Variants in SPINK5 observed in about 807,000 individuals in gnomAD.
SPINK5 encodes serine peptidase inhibitor Kazal type 5, also known as serine protease inhibitor Kazal-type 5.
In SPINK5, 125 loss-of-function variants were observed where a neutral mutation model predicts 151.8. The observed-to-expected ratio is 0.82, with a 90% CI of 0.71 to 0.96. SPINK5 has a LOEUF of 0.96. Among genes scored for constraint, SPINK5 ranks in the 40% least tolerant of loss-of-function variants. The probability of loss-of-function intolerance (pLI) is 0.00; values close to 1 mark genes in which losing one functional copy is unlikely to be tolerated. For synonymous variants in SPINK5, 374 were observed against 395.3 expected (o/e 0.95, Z 0.64); for missense variants, 1,194 against 1,291.9 (o/e 0.92, Z 1.16).
rs548051474 is a variant in SPINK5, at chr5:148,117,249, A to G, written c.2112+783A>G. 2.6e-5 allele frequency among the ~76,000 whole-genome samples: 4 copies of G among 152,274 alleles called. No homozygotes were observed. In the East Asian group the frequency reaches 7.7e-4, roughly 29 times the overall value. The stretch of plus-strand genomic sequence containing the variant: ...CCATCTTTTTTGCTTTAGGAGGCTG[A>G]GTTCTCCCTTTTAAGGAATAGCCCT... On this transcript the variant is annotated intron_variant, in intron 22 of 32. Coordinates refer to ENST00000256084, the MANE Select transcript of SPINK5 (RefSeq NM_006846.4).
intron 4 of SPINK5, among the ~76,000 whole-genome samples, chr5:148,086,148 G>A (rs1713615830): frequency 6.6e-6 from 1 of 151,896 alleles, no homozygotes; most frequent in Non-Finnish European, 1.5e-5. Flanking sequence ...AAGTTTCAGA[G>A]TGGTGACGTG....
At position 148,080,145 on chromosome 5, in the gene SPINK5, C is replaced by T. The variant is rs1010035179; in HGVS notation, c.283-6260C>T. ...TTTGAAAATTAAAATATTTCATTCA[C>T]GATAGCATAAAAAATGTGGAAATGA... On this transcript the variant is annotated intron_variant, in intron 4 of 32. Coordinates refer to ENST00000256084, the MANE Select transcript of SPINK5 (RefSeq NM_006846.4). Among the ~76,000 whole-genome samples the T allele has an allele frequency of 2.1e-4, 31 of 150,836 alleles. No homozygotes were observed. In the South Asian group the frequency reaches 4.2e-3, roughly 20 times the overall value.
At chr5:148,064,150 T>C (rs1752515208) in intron 1 of SPINK5, 51 bp downstream of exon 1, 2 of 1,609,168 alleles carry the variant, frequency 1.2e-6, no homozygotes, top group South Asian at 2.2e-5. Context: ...CTCAAAGCCC[T>C]GGGGAAGGGA....
Position 148,097,902 on chromosome 5 carries a change from T to C in SPINK5, c.918T>C (p.Asn306=). The C allele has an allele frequency of 6.2e-7, 1 of 1,612,114 alleles. No individual in the cohort carries two copies. Among genetic ancestry groups the C allele is most frequent in the Non-Finnish European group, 8.5e-7 (1 of 1,178,594 alleles). ...GTCAATATCAAAATCAGGCAAAGAATGGAATACTTTTCTGTACCAGAGAAA... is the reference window on the plus strand; with the variant it reads ...GTCAATATCAAAATCAGGCAAAGAACGGAATACTTTTCTGTACCAGAGAAA... ...LCSQYQNQAK[N]GILFCTREND... Residue 306 remains asparagine, a synonymous_variant, in exon 11 of 33, where the codon AAT becomes AAC. Coordinates refer to ENST00000256084, the MANE Select transcript of SPINK5 (RefSeq NM_006846.4).
chr5:148,118,011 G>A (rs1386778296), intron 22 of SPINK5, among the ~76,000 whole-genome samples: 8 of 151,790 alleles, frequency 5.3e-5, no homozygotes. Flanking sequence ...TAGATGTTAG[G>A]GGTTTTTTTG....
chr5:148,095,512 A>G (rs1488623878), intron 9 of SPINK5, among the ~76,000 whole-genome samples: 1 of 152,062 alleles, frequency 6.6e-6, no homozygotes, highest in East Asian at 1.9e-4. Context: ...ATTCGATACA[A>G]AAACACAGCA....
chr5:148,129,834 T>G (rs1425795377), intron 30 of SPINK5, among the ~76,000 whole-genome samples: 1 of 152,156 alleles, frequency 6.6e-6, no homozygotes, highest in Non-Finnish European at 1.5e-5. Context: ...TTTCAGTAAG[T>G]AGTTTTCAAG....
At chr5:148,125,296 C>T (rs1019396388) in intron 28 of SPINK5, among the ~76,000 whole-genome samples, 2 of 152,150 alleles carry the variant, frequency 1.3e-5, no homozygotes, top group African/African-American at 4.8e-5. Flanking sequence ...CAGCAGTGTG[C>T]ATGCGTGATG....
At chr5:148,126,333 TG>T (rs1315699051) in intron 29 of SPINK5, among the ~76,000 whole-genome samples, 1 of 151,984 alleles carries the variant, frequency 6.6e-6, no homozygotes, top group African/African-American at 2.4e-5. Flanking sequence ...ATGATGATGA[TG>T]GTTGTAAAGC....
At chr5:148,083,842 T>C (rs1449096283) in intron 4 of SPINK5, among the ~76,000 whole-genome samples, 1 of 151,718 alleles carries the variant, frequency 6.6e-6, no homozygotes. Flanking sequence ...TTTAGAAAAA[T>C]TGTTTCTTAT....
chr5:148,078,141 T>C (rs927141377), intron 4 of SPINK5, among the ~76,000 whole-genome samples: 1 of 151,088 alleles, frequency 6.6e-6, no homozygotes, highest in African/African-American at 2.4e-5. Flanking sequence ...GAGAGCAGGA[T>C]TGGCTATATT....
Position 148,091,545 on chromosome 5 carries a change from T to C in SPINK5, c.666+317T>C, listed in dbSNP as rs191877531. On this transcript the variant is annotated intron_variant, in intron 8 of 32. Coordinates refer to ENST00000256084, the MANE Select transcript of SPINK5 (RefSeq NM_006846.4). The stretch of plus-strand genomic sequence containing the variant: ...TGCTTAATTTCTAGCAGCCTTCTTT[T>C]TGGTTTAGTGTAAACCCATTTTACT... 8.3e-4 allele frequency among the ~76,000 whole-genome samples: 126 copies of C among 152,014 alleles called. 2 individuals carry two copies. Among genetic ancestry groups the C allele is most frequent in the South Asian group, 6.2e-3 (30 of 4,830 alleles).
chr5:148,092,599 C>T (rs1365464124), intron 8 of SPINK5, among the ~76,000 whole-genome samples: 1 of 151,816 alleles, frequency 6.6e-6, no homozygotes, highest in Admixed American at 6.6e-5. Flanking sequence ...AATATGTTCC[C>T]TATAATTAAC....
chr5:148,108,811 G>A lies in SPINK5; in HGVS notation c.1666G>A (p.Glu556Lys). The A allele has an allele frequency of 6.2e-7, 1 of 1,612,278 alleles. No homozygotes were observed. Among genetic ancestry groups the A allele is most frequent in the Non-Finnish European group, 8.5e-7 (1 of 1,178,768 alleles). The change falls in exon 18 of 33, where the codon GAA (glutamate) becomes AAA (lysine). Residue 556 changes from glutamate (E) to lysine (K), a missense_variant. By Grantham distance (56) the Glu-to-Lys change is moderately conservative. Transcript: ENST00000256084. Reference protein sequence around the residue: ...DKEEKGKVEAEKVKREAVQEL... With the variant: ...DKEEKGKVEAKKVKREAVQEL... ...AGAAGAAAAAGGGAAAGTCGAGGCT[G>A]AAAAAGTTAAGAGAGAAGCAGTTCA...
At chr5:148,087,641 G>A (rs1353540313) in intron 5 of SPINK5, among the ~76,000 whole-genome samples, 1 of 151,748 alleles carries the variant, frequency 6.6e-6, no homozygotes, top group African/African-American at 2.4e-5. Flanking sequence ...ACAAGTATGA[G>A]CATGCTATAT....
At chr5:148,101,704 A>T (rs938083376) in intron 14 of SPINK5, 77 bp from the exon 15 acceptor site, 60 of 1,605,530 alleles carry the variant, frequency 3.7e-5, no homozygotes, top group Non-Finnish European at 4.7e-5. Context: ...TAAGAAAAAA[A>T]GTACAAGCTT....
At chr5:148,095,677 T>C (rs1197335230) in intron 9 of SPINK5, 141 bp from the exon 10 acceptor site, 2 of 686,692 alleles carry the variant, frequency 2.9e-6, no homozygotes, top group African/African-American at 3.6e-5. Flanking sequence ...AATTAAAGGG[T>C]CTTTTTGGGG....
intron 8 of SPINK5, 113 bp downstream of exon 8, chr5:148,091,341 AT>A: frequency 1.2e-6 from 1 of 829,332 alleles, no homozygotes; most frequent in Non-Finnish European, 1.9e-6. Context: ...TTATATAGAT[AT>A]TTTTCTTAAT....
chr5:148,068,139 A>C (rs1425295153), intron 2 of SPINK5, among the ~76,000 whole-genome samples: 1 of 152,152 alleles, frequency 6.6e-6, no homozygotes, highest in African/African-American at 2.4e-5. Context: ...GTAGAATCAG[A>C]GATCAGACAG....
Sources: gnomAD v4.1 joint callset for allele counts (sites outside exome capture counted in the v4.1 genomes callset) on GRCh38, gnomAD v4.1.1 for gene constraint, MANE v1.5 for transcripts, NCBI Gene and HGNC (gene_info 2026-07-23, HGNC 2026-07-21) for gene names.